The following GBE1 variants were observed in gnomAD, a reference collection of about 807,000 sequenced individuals.
GBE1 encodes 1,4-alpha-glucan branching enzyme 1.
GBE1 carries 70 observed loss-of-function variants against 88.8 expected under a neutral mutation model. The ratio of observed to expected loss-of-function variants is 0.79; its 90% confidence interval spans 0.65 to 0.96. GBE1 has a LOEUF of 0.96. Among genes scored for constraint, GBE1 ranks in the 40% least tolerant of loss-of-function variants. GBE1 has a pLI of 0.00. For synonymous variants in GBE1, 284 were observed against 300.1 expected, an observed-to-expected ratio of 0.95 and a Z score of 0.56; for missense variants, 872 against 871.0, an observed-to-expected ratio of 1.00 and a Z score of -0.01.
At chr3:81,630,778 T>G (rs921862693) in intron 7 of GBE1, among the ~76,000 whole-genome samples, 3 of 152,208 alleles carry the variant, frequency 2.0e-5, no homozygotes, top group Non-Finnish European at 2.9e-5. Flanking sequence ...TTACCATTGA[T>G]TACATGTTGA....
rs1706687029 is a variant in GBE1, at chr3:81,761,412, G to T, written c.106C>A (p.Pro36Thr). Residue 36 changes from proline to threonine, a missense_variant, in exon 1 of 16, where the codon CCG becomes ACG. Coordinates refer to ENST00000429644, the MANE Select transcript of GBE1 (RefSeq NM_000158.4). ...TCCACGGCGTAGGGCTTCAAGTACG[G>T]GTCGATCTCCAGGAGTCTGGCCAGT... ...PELARLLEID[P>T]YLKPYAVDFQ... 1 of 1,613,344 alleles carries T rather than the reference G, an allele frequency of 6.2e-7. No individual in the cohort carries two copies. Among genetic ancestry groups the T allele is most frequent in the African/African-American group, 1.3e-5 (1 of 74,856 alleles).
In GBE1 at chr3:81,750,527, ATATATATATACG is replaced by A. The variant is rs1465351324; in HGVS notation, c.143+10836_143+10847del. Among the ~76,000 whole-genome samples the A allele has an allele frequency of 2.2e-3, 179 of 80,940 alleles. 13 individuals carry two copies. The highest frequency in any genetic ancestry group is 9.6e-3 in the African/African-American group (124 of 12,946). 53.1% of individuals were successfully genotyped at this position (80,940 alleles called of 152,430 possible). On this transcript the variant is annotated intron_variant, in intron 1 of 15. Coordinates refer to ENST00000429644, the MANE Select transcript of GBE1 (RefSeq NM_000158.4). ...ACCAATTTCATCTCAAAACATTCAT[ATATATATATACG>A]TATATATATATGTATATATATATGT...
At chr3:81,594,951 C>T (rs554743427) in intron 7 of GBE1, among the ~76,000 whole-genome samples, 7 of 151,672 alleles carry the variant, frequency 4.6e-5, no homozygotes, top group East Asian at 1.9e-4. Flanking sequence ...TTACCCCAGT[C>T]GAAATTCATG....
chr3:81,666,341 AT>A (rs1397759654), intron 3 of GBE1, among the ~76,000 whole-genome samples: 1 of 152,172 alleles, frequency 6.6e-6, no homozygotes, highest in Non-Finnish European at 1.5e-5. Context: ...TTCTTTCCAT[AT>A]TTTTTAAATT....
intron 1 of GBE1, among the ~76,000 whole-genome samples, chr3:81,720,748 A>G (rs1038989265): frequency 6.6e-5 from 10 of 152,046 alleles, no homozygotes; most frequent in African/African-American, 2.4e-4. Flanking sequence ...ACCCACATGC[A>G]CACGTATGTT....
intron 1 of GBE1, among the ~76,000 whole-genome samples, chr3:81,729,557 G>T (rs867089682): frequency 1.3e-5 from 2 of 152,180 alleles, no homozygotes; most frequent in African/African-American, 4.8e-5. Context: ...ATCTTGGGAA[G>T]AAAGTAACTT....
At chr3:81,574,657 C>G (rs920393426) in intron 12 of GBE1, among the ~76,000 whole-genome samples, 1 of 152,092 alleles carries the variant, frequency 6.6e-6, no homozygotes, top group African/African-American at 2.4e-5. Flanking sequence ...GGCAACTGAC[C>G]AGCTGCCGAA....
At chr3:81,750,655 A>ATG (rs1274058243) in intron 1 of GBE1, among the ~76,000 whole-genome samples, 2 of 54,668 alleles carry the variant, frequency 3.7e-5, no homozygotes, top group East Asian at 2.0e-3. Flanking sequence ...GTATATATAT[A>ATG]TATGTATATA....
chr3:81,627,734 T>G (rs1704437749), intron 7 of GBE1, among the ~76,000 whole-genome samples: 1 of 130,964 alleles, frequency 7.6e-6, no homozygotes, highest in South Asian at 2.3e-4. Flanking sequence ...TATAAGAAAA[T>G]TATATATTTT....
chr3:81,564,110 G>A (rs964185432), intron 12 of GBE1, among the ~76,000 whole-genome samples: 1 of 152,070 alleles, frequency 6.6e-6, no homozygotes, highest in Non-Finnish European at 1.5e-5. Flanking sequence ...CATCACGAAT[G>A]GAACTAACAC....
At chr3:81,740,789 C>CACA (rs1462923824) in intron 1 of GBE1, among the ~76,000 whole-genome samples, 1 of 151,908 alleles carries the variant, frequency 6.6e-6, no homozygotes, top group African/African-American at 2.4e-5. Flanking sequence ...CACACACACA[C>CACA]AATTTATTTA....
intron 12 of GBE1, among the ~76,000 whole-genome samples, chr3:81,569,043 C>T (rs1703535680): frequency 6.6e-6 from 1 of 151,996 alleles, no homozygotes; most frequent in Non-Finnish European, 1.5e-5. Context: ...TTACATGTGA[C>T]CAATATTAGA....
chr3:81,662,785 G>C (rs1291257928), intron 3 of GBE1, among the ~76,000 whole-genome samples: 1 of 151,936 alleles, frequency 6.6e-6, no homozygotes, highest in East Asian at 1.9e-4. Context: ...GCAGATAATG[G>C]CTCTTTAGTC....
Position 81,665,188 on chromosome 3 carries a change from T to C in GBE1, c.429+5650A>G, listed in dbSNP as rs186326679. The stretch of plus-strand genomic sequence containing the variant: ...AGAAATGCTGATTAAATAAGTTCTT[T>C]AAGTAATTTATGAAAATTAAACAAA... On this transcript the variant is annotated intron_variant, in intron 3 of 15. Coordinates refer to ENST00000429644, the MANE Select transcript of GBE1 (RefSeq NM_000158.4). Among the ~76,000 whole-genome samples the C allele has an allele frequency of 9.9e-5, 15 of 152,280 alleles. No homozygotes were observed. In the East Asian group the frequency reaches 2.9e-3, roughly 29 times the overall value.
At chr3:81,674,279 TATA>T (rs1171739320) in intron 2 of GBE1, among the ~76,000 whole-genome samples, 3 of 151,972 alleles carry the variant, frequency 2.0e-5, no homozygotes, top group Non-Finnish European at 2.9e-5. Context: ...GTTCCTGCCT[TATA>T]TGAGTTTCTC....
intron 14 of GBE1, among the ~76,000 whole-genome samples, chr3:81,503,894 A>C (rs370962968): frequency 5.9e-5 from 9 of 152,290 alleles, no homozygotes; most frequent in African/African-American, 2.2e-4. Flanking sequence ...TCTGCAGACC[A>C]TACATATAGG....
At chr3:81,546,211 CA>C in intron 12 of GBE1, among the ~76,000 whole-genome samples, 1 of 151,702 alleles carries the variant, frequency 6.6e-6, no homozygotes, top group Middle Eastern at 3.4e-3. Context: ...CACACACACA[CA>C]CAAACTCACA....
intron 5 of GBE1, 57 bp from the exon 6 acceptor site, chr3:81,646,539 G>A (rs751928102): frequency 3.1e-6 from 3 of 957,666 alleles, no homozygotes; most frequent in Non-Finnish European, 3.2e-6. Context: ...AAAAAGTAAT[G>A]GGGAAAAAAA....
intron 12 of GBE1, among the ~76,000 whole-genome samples, chr3:81,565,394 C>G (rs116451729): frequency 1.3e-5 from 2 of 152,184 alleles, no homozygotes; most frequent in African/African-American, 4.8e-5. Context: ...TTATTGTATT[C>G]CTATCTATCA....
Sources: gnomAD v4.1 joint callset for allele counts (sites outside exome capture counted in the v4.1 genomes callset) on GRCh38, gnomAD v4.1.1 for gene constraint, MANE v1.5 for transcripts, NCBI Gene and HGNC (gene_info 2026-07-23, HGNC 2026-07-21) for gene names.